Variants in CNBD1 observed in about 807,000 individuals in gnomAD.
CNBD1 encodes cyclic nucleotide-binding domain-containing protein 1.
Under a neutral mutation model 54.4 loss-of-function variants are expected in CNBD1, and 71 were observed. That is an observed-to-expected ratio of 1.30 (90% CI 1.08 to 1.59). The LOEUF (loss-of-function observed/expected upper bound fraction) is 1.59. Ranked by LOEUF, CNBD1 falls within the 40% of genes most tolerant of loss-of-function variation. The pLI is 0.00. For missense variants in CNBD1, 659 were observed against 518.0 expected (o/e 1.27, Z -2.64); for synonymous variants, 182 against 170.7 (o/e 1.07, Z -0.51).
chr8:87,227,377 A>G lies in CNBD1; in HGVS notation c.578-9542A>G, dbSNP rs1168336009. 4.8e-3 allele frequency among the ~76,000 whole-genome samples: 713 copies of G among 148,610 alleles called. 10 individuals carry two copies. Among genetic ancestry groups the G allele is most frequent in the African/African-American group, 0.017 (681 of 40,178 alleles). On this transcript the variant is annotated intron_variant, in intron 5 of 10. Transcript: ENST00000518476. Reference sequence around the variant, plus strand: ...TTGGCATGATTTTGCAGTGGCTGGTACCGGTTGTTCCTTTCCATGTTTAGC... The same window carrying G: ...TTGGCATGATTTTGCAGTGGCTGGTGCCGGTTGTTCCTTTCCATGTTTAGC...
At chr8:87,069,460 A>G (rs1810718110) in intron 4 of CNBD1, among the ~76,000 whole-genome samples, 1 of 152,098 alleles carries the variant, frequency 6.6e-6, no homozygotes, top group African/African-American at 2.4e-5. Context: ...ACATTTGCCT[A>G]CAGTGTTTAG....
chr8:87,292,241 A>G (rs1808801507), intron 8 of CNBD1, among the ~76,000 whole-genome samples: 1 of 152,352 alleles, frequency 6.6e-6, no homozygotes, highest in East Asian at 1.9e-4. Flanking sequence ...CTGAAAGGCT[A>G]TACTGTCTTA....
At chr8:87,221,273 A>G (rs889968492) in intron 5 of CNBD1, among the ~76,000 whole-genome samples, 1 of 152,078 alleles carries the variant, frequency 6.6e-6, no homozygotes, top group Non-Finnish European at 1.5e-5. Flanking sequence ...TTGGTTATTT[A>G]AAACATAATT....
At chr8:87,285,178 G>C (rs1180334489) in intron 7 of CNBD1, among the ~76,000 whole-genome samples, 1 of 152,172 alleles carries the variant, frequency 6.6e-6, no homozygotes, top group Non-Finnish European at 1.5e-5. Context: ...ACAGATAATA[G>C]TACTGCTGCT....
At chr8:86,956,202 G>T (rs1431251992) in intron 4 of CNBD1, among the ~76,000 whole-genome samples, 3 of 151,930 alleles carry the variant, frequency 2.0e-5, no homozygotes, top group Non-Finnish European at 4.4e-5. Flanking sequence ...CTCTGTTTTG[G>T]TACCAGTACC....
intron 4 of CNBD1, among the ~76,000 whole-genome samples, chr8:86,989,309 A>ATACG (rs1388055080): frequency 6.7e-6 from 1 of 150,252 alleles, no homozygotes; most frequent in Non-Finnish European, 1.5e-5. Context: ...AAATAAATAC[A>ATACG]TACATACATA....
intron 4 of CNBD1, among the ~76,000 whole-genome samples, chr8:87,058,130 A>G (rs1245398083): frequency 1.3e-5 from 2 of 152,164 alleles, no homozygotes; most frequent in African/African-American, 4.8e-5. Context: ...CAGAATCCAA[A>G]TAGCAGAGTC....
At chr8:87,380,012 G>T (rs993748440) in intron 10 of CNBD1, among the ~76,000 whole-genome samples, 1 of 151,762 alleles carries the variant, frequency 6.6e-6, no homozygotes, top group Non-Finnish European at 1.5e-5. Context: ...ATCCACTGGT[G>T]CCACTTGGGA....
At position 87,182,988 on chromosome 8, in the gene CNBD1, C is replaced by T. The variant is rs139201470; in HGVS notation, c.432-23005C>T. ...TGAAATTTTTGCTAAGTCCTATGTTCAGAATGTCATTTCCTAGTTTTTTCT... is the reference window on the plus strand; with the variant it reads ...TGAAATTTTTGCTAAGTCCTATGTTTAGAATGTCATTTCCTAGTTTTTTCT... On this transcript the variant is annotated intron_variant, in intron 4 of 10. Transcript: ENST00000518476. This position sits in a 1 kb window ranked among gnomAD's most constrained non-coding sequence, Gnocchi z 4.1. Among the ~76,000 whole-genome samples, 35 of 152,216 alleles carry T rather than the reference C, an allele frequency of 2.3e-4. No individual in the cohort carries two copies. The highest frequency in any genetic ancestry group is 8.4e-4 in the African/African-American group (35 of 41,536).
chr8:87,408,754 C>A (rs1411166910), intron 2 of CNBD1, among the ~76,000 whole-genome samples: 3 of 152,126 alleles, frequency 2.0e-5, no homozygotes, highest in African/African-American at 4.8e-5. Context: ...TAGTAATTCT[C>A]TCAGTAGCTC....
At chr8:87,238,770 G>A (rs1807632658) in intron 6 of CNBD1, among the ~76,000 whole-genome samples, 1 of 151,956 alleles carries the variant, frequency 6.6e-6, no homozygotes, top group South Asian at 2.1e-4. Context: ...CCCTCTAACT[G>A]TTGAAAATGA....
intron 4 of CNBD1, among the ~76,000 whole-genome samples, chr8:86,983,362 T>A (rs1808533444): frequency 6.6e-6 from 1 of 152,200 alleles, no homozygotes; most frequent in African/African-American, 2.4e-5. Context: ...GTCTCAGATA[T>A]GTCTTTATCA....
chr8:87,237,677 A>G (rs1019069617), intron 6 of CNBD1, among the ~76,000 whole-genome samples: 2 of 152,120 alleles, frequency 1.3e-5, no homozygotes, highest in African/African-American at 4.8e-5. Flanking sequence ...AGAGGTCTGA[A>G]TTGACTAGAA....
chr8:86,915,902 T>C (rs1809176590), intron 3 of CNBD1, among the ~76,000 whole-genome samples: 1 of 152,180 alleles, frequency 6.6e-6, no homozygotes, highest in Non-Finnish European at 1.5e-5. Context: ...TCCTTTTAGC[T>C]CTATTAATCT....
intron 2 of CNBD1, among the ~76,000 whole-genome samples, chr8:87,411,598 T>A (rs534079696): frequency 6.6e-6 from 1 of 150,596 alleles, no homozygotes; most frequent in South Asian, 2.1e-4. Flanking sequence ...TTTATGTATA[T>A]CCATTTATTG....
intron 5 of CNBD1, among the ~76,000 whole-genome samples, chr8:87,233,254 A>G (rs574563127): frequency 1.1e-4 from 16 of 152,262 alleles, no homozygotes; most frequent in Admixed American, 5.9e-4. Context: ...GGGACTAAAA[A>G]TCAGTCCTTC....
intron 4 of CNBD1, among the ~76,000 whole-genome samples, chr8:86,952,798 A>C (rs1004373972): frequency 2.6e-5 from 4 of 152,302 alleles, no homozygotes; most frequent in Non-Finnish European, 5.9e-5. Flanking sequence ...CATCACCGCA[A>C]TTTAGATAAT....
intron 6 of CNBD1, among the ~76,000 whole-genome samples, chr8:87,279,441 T>C (rs967405873): frequency 2.0e-5 from 3 of 151,494 alleles, no homozygotes; most frequent in Non-Finnish European, 4.4e-5. Context: ...AATACTTTCA[T>C]TAAAAAAGAT....
intron 4 of CNBD1, among the ~76,000 whole-genome samples, chr8:87,169,904 C>G (rs1268564176): frequency 1.3e-5 from 2 of 151,892 alleles, no homozygotes; most frequent in Admixed American, 1.3e-4. Flanking sequence ...TTTTGTGGTT[C>G]CATATAAATT....
Sources: gnomAD v4.1 joint callset for allele counts (sites outside exome capture counted in the v4.1 genomes callset) on GRCh38, gnomAD v4.1.1 for gene constraint, Gnocchi (gnomAD v3.1) non-coding constraint, MANE v1.5 for transcripts, NCBI Gene and HGNC (gene_info 2026-07-23, HGNC 2026-07-21) for gene names.